Variants in ZMIZ1 observed in about 807,000 individuals in gnomAD.
ZMIZ1 encodes the protein zinc finger MIZ-type containing 1.
A neutral mutation model predicts 113.9 loss-of-function variants in ZMIZ1; 17 were observed. The observed-to-expected ratio is 0.15, with a 90% CI of 0.10 to 0.22. The LOEUF is 0.22. ZMIZ1 is among the 10% of genes least tolerant of loss of function. The pLI is 1.00. For missense variants in ZMIZ1, 1,059 were observed against 1,477.8 expected, an observed-to-expected ratio of 0.72 and a Z score of 4.65; for synonymous variants, 607 against 603.1, an observed-to-expected ratio of 1.01 and a Z score of -0.09.
At chr10:79,210,406 G>A (rs1848484366) in intron 6 of ZMIZ1, among the ~76,000 whole-genome samples, 1 of 152,260 alleles carries the variant, frequency 6.6e-6, no homozygotes, top group Non-Finnish European at 1.5e-5. Context: ...GCCCCAGAGG[G>A]ACCATTGTCA....
At chr10:79,167,640 A>C (rs1846414035) in intron 4 of ZMIZ1, among the ~76,000 whole-genome samples, 1 of 152,128 alleles carries the variant, frequency 6.6e-6, no homozygotes. Context: ...CCCACAGTAG[A>C]TTTCAGTGCT....
At chr10:79,307,205 C>T (rs1854767449) in intron 22 of ZMIZ1, among the ~76,000 whole-genome samples, 200 bp from the exon 23 acceptor site, 1 of 152,106 alleles carries the variant, frequency 6.6e-6, no homozygotes, top group South Asian at 2.1e-4. Context: ...GCAGCACATC[C>T]CCTAGGGTAC....
intron 3 of ZMIZ1, among the ~76,000 whole-genome samples, chr10:79,153,387 G>A (rs1485529991): frequency 6.6e-6 from 1 of 152,236 alleles, no homozygotes; most frequent in Non-Finnish European, 1.5e-5. Flanking sequence ...GTCAAGGGAT[G>A]GGAGGCACTT....
At chr10:79,253,884 A>G (rs1850709637) in intron 7 of ZMIZ1, among the ~76,000 whole-genome samples, 1 of 152,154 alleles carries the variant, frequency 6.6e-6, no homozygotes, top group Non-Finnish European at 1.5e-5. Flanking sequence ...ATGCACACAC[A>G]CACACACATG....
chr10:79,082,673 C>T (rs1341784720), intron 1 of ZMIZ1, among the ~76,000 whole-genome samples: 8 of 152,240 alleles, frequency 5.3e-5, no homozygotes, highest in South Asian at 2.1e-4. Context: ...CCTTTGCGCC[C>T]GAGGCTGTCC....
intron 7 of ZMIZ1, among the ~76,000 whole-genome samples, chr10:79,246,628 T>C (rs1005128580): frequency 6.6e-6 from 1 of 152,120 alleles, no homozygotes; most frequent in African/African-American, 2.4e-5. Flanking sequence ...ACCCTTGCTC[T>C]TGCCCCGCCA....
intron 4 of ZMIZ1, among the ~76,000 whole-genome samples, chr10:79,167,107 C>T (rs755245557): frequency 5.3e-5 from 8 of 152,228 alleles, no homozygotes; most frequent in Non-Finnish European, 1.2e-4. Context: ...AAGCCTTCCT[C>T]AGGCCACACC....
At chr10:79,225,242 C>T (rs1031747760) in intron 7 of ZMIZ1, among the ~76,000 whole-genome samples, 4 of 152,172 alleles carry the variant, frequency 2.6e-5, no homozygotes, top group Admixed American at 6.5e-5. Context: ...ATTTCAGTAC[C>T]GCTTGTATTA....
At chr10:79,121,539 G>A (rs1463711330) in intron 2 of ZMIZ1, among the ~76,000 whole-genome samples, 1 of 152,240 alleles carries the variant, frequency 6.6e-6, no homozygotes, top group Non-Finnish European at 1.5e-5. Context: ...CCTTTGTAAA[G>A]TATCCTTAGG....
At chr10:79,149,358 G>T (rs1352508704) in intron 3 of ZMIZ1, among the ~76,000 whole-genome samples, 1 of 152,224 alleles carries the variant, frequency 6.6e-6, no homozygotes, top group African/African-American at 2.4e-5. Context: ...TGAATGGGCA[G>T]GAGAGGGGAC....
intron 1 of ZMIZ1, among the ~76,000 whole-genome samples, chr10:79,093,794 T>C (rs1843073475): frequency 2.0e-5 from 3 of 152,186 alleles, no homozygotes. Flanking sequence ...CTTCAGGGCC[T>C]CTCTCTGGGC....
chr10:79,280,524 C>T (rs1233210307), intron 8 of ZMIZ1, among the ~76,000 whole-genome samples: 1 of 152,130 alleles, frequency 6.6e-6, no homozygotes, highest in African/African-American at 2.4e-5. Flanking sequence ...ATCCTACCAC[C>T]TTGGCCTCCC....
rs1843101015 is a variant in ZMIZ1, at chr10:79,094,360, C to G, written c.-336-24555C>G. 1.3e-5 allele frequency among the ~76,000 whole-genome samples: 2 copies of G among 152,170 alleles called. 1 individual carries two copies. Among genetic ancestry groups the G allele is most frequent in the South Asian group, 4.1e-4 (2 of 4,834 alleles). Reference sequence around the variant, plus strand: ...ACCCGGAGGGAGCTGGAGCCAGAGCCAGATCTCAGGAAACTGGGGTCATTG... The same window carrying G: ...ACCCGGAGGGAGCTGGAGCCAGAGCGAGATCTCAGGAAACTGGGGTCATTG... On this transcript the variant is annotated intron_variant, in intron 1 of 24. Coordinates refer to ENST00000334512, the MANE Select transcript of ZMIZ1 (RefSeq NM_020338.4).
Position 79,241,215 on chromosome 10 carries a change from A to T in ZMIZ1, c.280+24941A>T, listed in dbSNP as rs1248426905. Among the ~76,000 whole-genome samples, 10 of 152,172 alleles carry T rather than the reference A, an allele frequency of 6.6e-5. No individual in the cohort carries two copies. In the South Asian group the frequency reaches 2.1e-3, roughly 32 times the overall value. On this transcript the variant is annotated intron_variant, in intron 7 of 24. Coordinates refer to ENST00000334512, the MANE Select transcript of ZMIZ1 (RefSeq NM_020338.4). ...AGTGTTCTCTTGGAACACGTGAGCC[A>T]TATTGTCCCACCACATCTGTTTTCT...
At chr10:79,150,712 C>T (rs984931121) in intron 3 of ZMIZ1, among the ~76,000 whole-genome samples, 1 of 152,202 alleles carries the variant, frequency 6.6e-6, no homozygotes, top group Non-Finnish European at 1.5e-5. Context: ...GTGAAGACAG[C>T]CAGGCTTGGG....
chr10:79,241,889 G>A (rs1849849154), intron 7 of ZMIZ1, among the ~76,000 whole-genome samples: 1 of 152,120 alleles, frequency 6.6e-6, no homozygotes, highest in Admixed American at 6.5e-5. Flanking sequence ...GGGCAGCAGG[G>A]CACGGCAGTC....
At position 79,140,576 on chromosome 10, in the gene ZMIZ1, T is replaced by G. The variant is rs552610399; in HGVS notation, c.-131+799T>G. Among the ~76,000 whole-genome samples, 51 of 152,266 alleles carry G rather than the reference T, an allele frequency of 3.3e-4. No individual in the cohort carries two copies. In the Middle Eastern group the frequency reaches 0.01, roughly 30 times the overall value. On this transcript the variant is annotated intron_variant, in intron 3 of 24. Transcript: ENST00000334512. ...TCCATCCATCATCCATCCACTTACC[T>G]GTCCATCTCTCCATCCATCCCTCTT...
chr10:79,105,844 C>T (rs889718263), intron 1 of ZMIZ1, among the ~76,000 whole-genome samples: 10 of 152,200 alleles, frequency 6.6e-5, no homozygotes, highest in African/African-American at 2.4e-4. Flanking sequence ...AAGGAAATGA[C>T]AAACATCAGG....
chr10:79,214,729 C>A (rs1017267839), intron 6 of ZMIZ1, among the ~76,000 whole-genome samples: 1 of 152,176 alleles, frequency 6.6e-6, no homozygotes, highest in Admixed American at 6.5e-5. Context: ...GAAGTACCAG[C>A]CTACCACATC....
Sources: gnomAD v4.1 joint callset for allele counts (sites outside exome capture counted in the v4.1 genomes callset) on GRCh38, gnomAD v4.1.1 for gene constraint, MANE v1.5 for transcripts, NCBI Gene and HGNC (gene_info 2026-07-23, HGNC 2026-07-21) for gene names.